RTTN: variants seen among roughly 807,000 people sequenced by gnomAD.
RTTN encodes the protein rotatin.
A neutral mutation model predicts 269.2 loss-of-function variants in RTTN; 182 were observed. That is an observed-to-expected ratio of 0.68 (90% CI 0.60 to 0.76). The LOEUF is 0.76. Among genes scored for constraint, RTTN ranks in the 30% least tolerant of loss-of-function variants. The pLI, the probability that RTTN is intolerant of heterozygous loss-of-function variation, is 0.00. For missense variants in RTTN, 2,545 were observed against 2,608.6 expected, an observed-to-expected ratio of 0.98 and a Z score of 0.53; for synonymous variants, 1,006 against 963.5, an observed-to-expected ratio of 1.04 and a Z score of -0.82.
At position 70,204,077 on chromosome 18, in the gene RTTN, A is replaced by C. The variant is rs756819898; in HGVS notation, c.397+9T>G. ...ATATATTTGTATTTAACAGATTCCA[A>C]AGAGTTACCAGTTTGATTGGTTTGG... On this transcript the variant is annotated intron_variant, in intron 3 of 48. Coordinates refer to ENST00000640769, the MANE Select transcript of RTTN (RefSeq NM_173630.4). 1 of 1,576,570 alleles carries C rather than the reference A, an allele frequency of 6.3e-7. No individual in the cohort carries two copies. Among genetic ancestry groups the C allele is most frequent in the South Asian group, 1.1e-5 (1 of 87,246 alleles).
intron 28 of RTTN, among the ~76,000 whole-genome samples, chr18:70,100,828 A>C (rs2059141064): frequency 6.6e-6 from 1 of 152,112 alleles, no homozygotes; most frequent in African/African-American, 2.4e-5. Flanking sequence ...GCATCTATTG[A>C]GATAATCATG....
chr18:70,017,604 G>A lies in RTTN; in HGVS notation c.6224C>T (p.Thr2075Ile). ...CAGGAGTAACTTCAACCAAAGAATA[G>A]TCAGATTACTTAGATGTTTATTTCC... Reference protein sequence around the residue: ...KGGNKHLSNLTILWLKLLLNI... With the variant: ...KGGNKHLSNLIILWLKLLLNI... The change falls in exon 46 of 49, where the codon ACT becomes ATT. Residue 2075 changes from threonine to isoleucine, a missense_variant. Thr to Ile is a moderately conservative substitution (Grantham distance 89). Coordinates refer to ENST00000640769, the MANE Select transcript of RTTN (RefSeq NM_173630.4). 2 of 1,613,764 alleles carry A rather than the reference G, an allele frequency of 1.2e-6. No homozygotes were observed. The highest frequency in any genetic ancestry group is 1.1e-5 in the South Asian group (1 of 91,074).
intron 27 of RTTN, among the ~76,000 whole-genome samples, chr18:70,110,386 T>A (rs1474352727): frequency 3.3e-5 from 5 of 151,980 alleles, no homozygotes; most frequent in Admixed American, 2.6e-4. Flanking sequence ...CTGGGACTGG[T>A]TGGACAGTGG....
chr18:70,205,619 G>A lies in RTTN; in HGVS notation c.31+9C>T. On this transcript the variant is annotated intron_variant, in intron 1 of 48. Coordinates refer to ENST00000640769, the MANE Select transcript of RTTN (RefSeq NM_173630.4). Reference sequence around the variant, plus strand: ...GGGTGCCTTGGGCGAGGGGCAAGCTGACAGTTACCGAGTTTCCTGATGAGC... The same window carrying A: ...GGGTGCCTTGGGCGAGGGGCAAGCTAACAGTTACCGAGTTTCCTGATGAGC... The A allele has an allele frequency of 6.2e-7, 1 of 1,614,132 alleles. No individual in the cohort carries two copies. The highest frequency in any genetic ancestry group is 8.5e-7 in the Non-Finnish European group (1 of 1,180,002).
At chr18:70,007,365 A>AT (rs2056227066) in intron 46 of RTTN, 2 of 152,370 alleles carry the variant, frequency 1.3e-5, no homozygotes, top group South Asian at 2.1e-4. Context: ...GCTGCAGGAG[A>AT]TTTTTCATAC....
intron 39 of RTTN, among the ~76,000 whole-genome samples, chr18:70,048,420 A>G (rs992521036): frequency 6.6e-6 from 1 of 152,256 alleles, no homozygotes; most frequent in Non-Finnish European, 1.5e-5. Flanking sequence ...CAGACAGCAC[A>G]TGAGTGGTCA....
intron 35 of RTTN, 87 bp from the exon 36 acceptor site, chr18:70,060,129 C>T: frequency 8.5e-7 from 1 of 1,176,490 alleles, no homozygotes; most frequent in South Asian, 1.8e-5. Flanking sequence ...AGGAAAGTTC[C>T]TGAAAATGAT....
intron 28 of RTTN, among the ~76,000 whole-genome samples, chr18:70,095,738 A>G (rs2058985396): frequency 6.6e-6 from 1 of 150,924 alleles, no homozygotes; most frequent in Admixed American, 6.6e-5. Context: ...ATTTTCCTTC[A>G]TTTCAGCCTT....
At chr18:70,194,710 C>CCTCA (rs2061760161) in intron 7 of RTTN, 1 of 152,218 alleles carries the variant, frequency 6.6e-6, no homozygotes, top group Non-Finnish European at 1.5e-5. Flanking sequence ...AGGACAAATA[C>CCTCA]TGTATGATTC....
chr18:70,008,940 C>T (rs1398328201), intron 46 of RTTN: 1 of 152,128 alleles, frequency 6.6e-6, no homozygotes, highest in East Asian at 1.9e-4. Context: ...TCGAGAAGAG[C>T]AACCCCAAGA....
At chr18:70,008,734 A>C (rs553441105) in intron 46 of RTTN, 10 of 152,188 alleles carry the variant, frequency 6.6e-5, no homozygotes, top group African/African-American at 2.4e-4. Flanking sequence ...GGAATGAACA[A>C]AGCATCCAAG....
chr18:70,064,336 CAAAAAAAAAAA>C (rs11308196), intron 35 of RTTN, among the ~76,000 whole-genome samples: 1 of 61,718 alleles, frequency 1.6e-5, no homozygotes, highest in Admixed American at 2.6e-4. Flanking sequence ...AGACTGCCTC[CAAAAAAAAAAA>C]AAAAAAAAAA....
chr18:70,204,752 AT>A (rs1466943918), intron 2 of RTTN, among the ~76,000 whole-genome samples: 1 of 152,268 alleles, frequency 6.6e-6, no homozygotes, highest in Non-Finnish European at 1.5e-5. Context: ...TAACATTGGT[AT>A]TTATGAATCA....
intron 1 of RTTN, 82 bp from the exon 2 acceptor site, chr18:70,205,397 G>A (rs1039501771): frequency 1.3e-6 from 2 of 1,555,754 alleles, no homozygotes; most frequent in Non-Finnish European, 1.8e-6. Flanking sequence ...GGAGCGGCGT[G>A]AAGACGGAAT....
intron 39 of RTTN, 74 bp downstream of exon 39, chr18:70,051,337 A>T (rs2057660503): frequency 6.8e-7 from 1 of 1,461,320 alleles, no homozygotes; most frequent in Non-Finnish European, 9.1e-7. Context: ...GTGAATTTAC[A>T]TACCTAAACA....
At chr18:70,100,564 C>T (rs533274660) in intron 28 of RTTN, among the ~76,000 whole-genome samples, 1 of 151,952 alleles carries the variant, frequency 6.6e-6, no homozygotes, top group Non-Finnish European at 1.5e-5. Flanking sequence ...ACTGAATACC[C>T]TTTCTTTCTT....
intron 46 of RTTN, among the ~76,000 whole-genome samples, chr18:70,011,751 A>C (rs2056378329): frequency 1.8e-5 from 1 of 56,508 alleles, no homozygotes; most frequent in East Asian, 1.3e-3. Flanking sequence ...CAATCAGGCA[A>C]GATAAATAAA....
intron 21 of RTTN, chr18:70,138,340 A>G (rs1241015398): frequency 2.0e-5 from 3 of 152,190 alleles, no homozygotes; most frequent in African/African-American, 7.2e-5. Context: ...AATGGAGGAT[A>G]CTATATTCAT....
At chr18:70,187,209 G>A (rs763344329) in intron 10 of RTTN, among the ~76,000 whole-genome samples, 6 of 152,064 alleles carry the variant, frequency 3.9e-5, no homozygotes, top group East Asian at 3.9e-4. Context: ...AAAATCTCAC[G>A]TATAGATAGA....
Sources: gnomAD v4.1 joint callset for allele counts (sites outside exome capture counted in the v4.1 genomes callset) on GRCh38, gnomAD v4.1.1 for gene constraint, MANE v1.5 for transcripts, NCBI Gene and HGNC (gene_info 2026-07-23, HGNC 2026-07-21) for gene names.